The following EDC3 variants were observed in gnomAD, a reference collection of about 807,000 sequenced individuals.
EDC3 encodes the protein enhancer of mRNA decapping 3, also known as enhancer of mRNA-decapping protein 3.
In EDC3, 20 loss-of-function variants were observed where a neutral mutation model predicts 41.8. That is an observed-to-expected ratio of 0.48 (90% CI 0.34 to 0.70). The LOEUF (loss-of-function observed/expected upper bound fraction) is 0.70, where lower values mean the gene tolerates loss of function less well. Ranked by LOEUF, EDC3 falls within the 30% of genes least tolerant of loss-of-function variation. EDC3 has a pLI of 0.01. For synonymous variants in EDC3, 206 were observed against 243.2 expected, an observed-to-expected ratio of 0.85 and a Z score of 1.42; for missense variants, 444 against 636.8, an observed-to-expected ratio of 0.70 and a Z score of 3.26.
At chr15:74,645,017 T>TG (rs2062396789) in intron 4 of EDC3, 1 of 152,050 alleles carries the variant, frequency 6.6e-6, no homozygotes, top group Non-Finnish European at 1.5e-5. Flanking sequence ...AGAAAACATG[T>TG]TTAACATGAA....
At chr15:74,655,326 TCTTCAA>T (rs1408867117) in intron 4 of EDC3, among the ~76,000 whole-genome samples, 2 of 152,248 alleles carry the variant, frequency 1.3e-5, no homozygotes, top group Non-Finnish European at 2.9e-5. Context: ...CAATCATCCA[TCTTCAA>T]CTGTTTTTTT....
intron 4 of EDC3, among the ~76,000 whole-genome samples, chr15:74,653,117 T>C (rs1004247157): frequency 4.6e-5 from 7 of 151,374 alleles, no homozygotes; most frequent in Non-Finnish European, 8.8e-5. Context: ...GAGGTAGAGG[T>C]TGCGGTGCGC....
intron 6 of EDC3, 161 bp downstream of exon 6, chr15:74,635,248 G>T: frequency 5.5e-6 from 4 of 724,394 alleles, no homozygotes; most frequent in Non-Finnish European, 9.9e-6. Context: ...AGCATAAGGG[G>T]ATGGGAAGTA....
chr15:74,683,283 C>A (rs770024370), intron 1 of EDC3, among the ~76,000 whole-genome samples: 1 of 152,102 alleles, frequency 6.6e-6, no homozygotes, highest in Non-Finnish European at 1.5e-5. Context: ...GCCTGTAATC[C>A]CAGCACTTTG....
intron 1 of EDC3, among the ~76,000 whole-genome samples, chr15:74,688,695 CAA>C (rs1318383903): frequency 1.3e-5 from 2 of 152,040 alleles, no homozygotes; most frequent in African/African-American, 4.8e-5. Context: ...CACTTGAGGT[CAA>C]GAGTTCAATA....
intron 1 of EDC3, among the ~76,000 whole-genome samples, chr15:74,675,644 T>TG (rs1394745314): frequency 6.7e-6 from 1 of 149,604 alleles, no homozygotes; most frequent in Non-Finnish European, 1.5e-5. Context: ...AGTGCAATGG[T>TG]GCGAGGCGGG....
intron 1 of EDC3, among the ~76,000 whole-genome samples, chr15:74,676,304 C>CT (rs1436070924): frequency 1.3e-5 from 2 of 151,878 alleles, no homozygotes; most frequent in Non-Finnish European, 2.9e-5. Flanking sequence ...AAAGAAAGGT[C>CT]TAAAATCAAT....
At chr15:74,692,300 T>G (rs894568931) in intron 1 of EDC3, among the ~76,000 whole-genome samples, 3 of 152,166 alleles carry the variant, frequency 2.0e-5, no homozygotes, top group African/African-American at 7.2e-5. Flanking sequence ...AAATATGTAA[T>G]GGACAAACTC....
intron 4 of EDC3, among the ~76,000 whole-genome samples, chr15:74,646,376 C>A (rs1032099856): frequency 6.6e-6 from 1 of 152,210 alleles, no homozygotes; most frequent in African/African-American, 2.4e-5. Context: ...TCCGGCCCCC[C>A]AGTCTTATAA....
intron 1 of EDC3, chr15:74,679,721 A>G (rs1359091870): frequency 1.4e-5 from 2 of 141,088 alleles, no homozygotes; most frequent in East Asian, 2.3e-4. Context: ...GGAGTTTGAA[A>G]CCAGCCTGGG....
At chr15:74,672,948 A>G (rs1341422621) in intron 2 of EDC3, among the ~76,000 whole-genome samples, 5 of 152,146 alleles carry the variant, frequency 3.3e-5, no homozygotes, top group Non-Finnish European at 7.4e-5. Flanking sequence ...AAATCTGGCC[A>G]GGGCAGGGGG....
chr15:74,680,108 A>G (rs2062854148), intron 1 of EDC3, among the ~76,000 whole-genome samples: 2 of 151,586 alleles, frequency 1.3e-5, no homozygotes, highest in Non-Finnish European at 2.9e-5. Flanking sequence ...TAAAAATACA[A>G]AAAATTAGCC....
chr15:74,678,458 C>A (rs2062831658), intron 1 of EDC3, among the ~76,000 whole-genome samples: 1 of 152,182 alleles, frequency 6.6e-6, no homozygotes, highest in South Asian at 2.1e-4. Flanking sequence ...AACCTTCCTA[C>A]AAAGAAAAAT....
intron 1 of EDC3, among the ~76,000 whole-genome samples, chr15:74,681,470 G>C (rs2062869967): frequency 6.6e-6 from 1 of 152,096 alleles, no homozygotes; most frequent in Non-Finnish European, 1.5e-5. Context: ...TTTTTTATAA[G>C]AAAGTGGGAA....
chr15:74,680,520 T>TA (rs2062859813), intron 1 of EDC3, among the ~76,000 whole-genome samples: 1 of 152,120 alleles, frequency 6.6e-6, no homozygotes, highest in Non-Finnish European at 1.5e-5. Flanking sequence ...TAAAGGGATC[T>TA]AAAAAGTCCC....
intron 4 of EDC3, among the ~76,000 whole-genome samples, chr15:74,653,632 A>C (rs748430052): frequency 2.0e-5 from 3 of 152,172 alleles, no homozygotes; most frequent in Admixed American, 1.3e-4. Flanking sequence ...GTGGAGTGCA[A>C]CTGGTCACTA....
At chr15:74,668,362 G>A (rs2062700232) in intron 3 of EDC3, among the ~76,000 whole-genome samples, 1 of 152,096 alleles carries the variant, frequency 6.6e-6, no homozygotes, top group African/African-American at 2.4e-5. Flanking sequence ...ATTATAACAA[G>A]TATACCATAC....
At chr15:74,661,380 C>T (rs1322809509) in intron 3 of EDC3, among the ~76,000 whole-genome samples, 2 of 152,192 alleles carry the variant, frequency 1.3e-5, no homozygotes, top group Non-Finnish European at 1.5e-5. Context: ...AACTATAGCT[C>T]ATGGGCCAAA....
chr15:74,680,090 G>A (rs1046263592), intron 1 of EDC3, among the ~76,000 whole-genome samples: 2 of 151,658 alleles, frequency 1.3e-5, no homozygotes, highest in African/African-American at 4.8e-5. Flanking sequence ...GTGAAACCCT[G>A]TCTCTACTAA....
Sources: allele counts gnomAD v4.1 joint callset (sites outside exome capture counted in the v4.1 genomes callset), GRCh38; gene constraint gnomAD v4.1.1; transcripts MANE v1.5; gene names NCBI Gene and HGNC (gene_info 2026-07-23, HGNC 2026-07-21).